Variants in SH3D21 observed in about 807,000 individuals in gnomAD.
SH3D21 encodes SH3 domain-containing protein 21.
In SH3D21, 83 loss-of-function variants were observed where a neutral mutation model predicts 82.1. That is an observed-to-expected ratio of 1.01 (90% CI 0.85 to 1.21). The LOEUF (loss-of-function observed/expected upper bound fraction) is 1.21, where lower values mean the gene tolerates loss of function less well. Among genes scored for constraint, SH3D21 ranks in the 50% most tolerant of loss-of-function variants. The probability of loss-of-function intolerance (pLI) is 0.00; values close to 1 mark genes in which losing one functional copy is unlikely to be tolerated. For synonymous variants in SH3D21, 383 were observed against 387.8 expected, an observed-to-expected ratio of 0.99 and a Z score of 0.15; for missense variants, 980 against 962.1, an observed-to-expected ratio of 1.02 and a Z score of -0.25.
In SH3D21 at chr1:36,320,712, C is replaced by CCG. The variant is rs1557487091; in HGVS notation, c.2049_2050insCG (p.Lys684ArgfsTer8). ...TGGTCCCGCAAAACTACACGGAAAACAAGAATGAAGGAGTTGATGTAACGT... is the reference window on the plus strand; with the variant it reads ...TGGTCCCGCAAAACTACACGGAAAACCGAAGAATGAAGGAGTTGATGTAACGT... On this transcript the variant is annotated frameshift_variant, in exon 14 of 16. Transcript: ENST00000453908. LOFTEE classifies it high-confidence loss of function. The CCG allele has an allele frequency of 6.2e-7, 1 of 1,613,942 alleles. No individual in the cohort carries two copies. The highest frequency in any genetic ancestry group is 1.1e-5 in the South Asian group (1 of 91,074).
At chr1:36,313,230 A>G (rs537501968) in intron 10 of SH3D21, among the ~76,000 whole-genome samples, 1 of 152,184 alleles carries the variant, frequency 6.6e-6, no homozygotes, top group African/African-American at 2.4e-5. Context: ...AAGCTGAGAC[A>G]GGAGAATTGC....
downstream of SH3D21, among the ~76,000 whole-genome samples, chr1:36,323,269 C>T (rs1272823737): frequency 6.6e-6 from 1 of 152,190 alleles, no homozygotes; most frequent in Admixed American, 6.5e-5. Context: ...GGAGCAGCGC[C>T]GGGGACCGCG....
At chr1:36,315,712 A>T (rs1462498705) in intron 10 of SH3D21, among the ~76,000 whole-genome samples, 1 of 152,076 alleles carries the variant, frequency 6.6e-6, no homozygotes, top group Non-Finnish European at 1.5e-5. Context: ...CCACCACCTC[A>T]TTCAGCCAGA....
chr1:36,322,497 T>C, downstream of SH3D21: 1 of 1,602,856 alleles, frequency 6.2e-7, no homozygotes, highest in Middle Eastern at 1.7e-4. Flanking sequence ...TGCGGACAGC[T>C]CGGGGCCCGG....
At chr1:36,327,580 C>A, downstream of SH3D21, 1 of 967,952 alleles carries the variant, frequency 1.0e-6, no homozygotes, top group Non-Finnish European at 1.3e-6. Context: ...ATGTTTGTGT[C>A]TGGGTTGGTA....
chr1:36,311,812 G>T (rs1278185136), intron 10 of SH3D21, among the ~76,000 whole-genome samples: 1 of 151,790 alleles, frequency 6.6e-6, no homozygotes, highest in Admixed American at 6.6e-5. Flanking sequence ...TTTCACCTCA[G>T]CCTCTCTTGT....
At chr1:36,312,047 CAG>C (rs1320347394) in intron 10 of SH3D21, among the ~76,000 whole-genome samples, 2 of 151,608 alleles carry the variant, frequency 1.3e-5, no homozygotes, top group East Asian at 3.9e-4. Flanking sequence ...TTTTTTGAGA[CAG>C]AGTCTTGCTT....
Position 36,308,227 on chromosome 1 carries a change from TG to T in SH3D21, c.639+25del, listed in dbSNP as rs745375298. 2.1e-4 allele frequency: 315 copies of T among 1,501,614 alleles called. No individual in the cohort carries two copies. Among genetic ancestry groups the T allele is most frequent in the Non-Finnish European group, 2.6e-4 (290 of 1,112,584 alleles). The allele number at this position is 1,501,614 out of a possible 1,614,324, so 93.0% of individuals were successfully genotyped here. Reference sequence around the variant, plus strand: ...TCAGCAAGGTGTGAGACGAACAGGGTGGGGGGGCCCAGGGAAGCCGGTGTTG... The same window carrying T: ...TCAGCAAGGTGTGAGACGAACAGGGTGGGGGGCCCAGGGAAGCCGGTGTTG... On this transcript the variant is annotated intron_variant, in intron 8 of 15. Coordinates refer to ENST00000453908, the MANE Select transcript of SH3D21 (RefSeq NM_001162530.2).
In SH3D21 at chr1:36,306,948, G is replaced by C. The variant is rs549696371; in HGVS notation, c.226+43G>C. ...GACGGGCGCCGGTGGGCGGGTGCAC[G>C]GAGCCAGTGCGACCCCGGCGTCTCC... On this transcript the variant is annotated intron_variant, in intron 3 of 15. Transcript: ENST00000453908. The surrounding 1 kb of genome is among the most constrained non-coding windows in gnomAD (Gnocchi z 4.5). 3.8e-6 allele frequency: 5 copies of C among 1,330,164 alleles called. No individual in the cohort carries two copies. The highest frequency in any genetic ancestry group is 4.8e-6 in the Non-Finnish European group (5 of 1,031,546). 82.4% of individuals were successfully genotyped at this position (1,330,164 alleles called of 1,614,324 possible).
rs541641630 is a variant in SH3D21, at chr1:36,309,663, C to T, written c.769+73C>T. On this transcript the variant is annotated intron_variant, in intron 10 of 15. Transcript: ENST00000453908. ...CACCAGTCCAGTTGCTTATAAACAC[C>T]CACAGCACCCCAGTGGTCCAGTATG... The T allele has an allele frequency of 7.3e-6, 11 of 1,508,624 alleles. No individual in the cohort carries two copies. In the African/African-American group the frequency reaches 1.2e-4, roughly 17 times the overall value. The allele number at this position is 1,508,624 out of a possible 1,614,324, so 93.5% of individuals were successfully genotyped here.
chr1:36,313,667 T>G (rs1646282739), intron 10 of SH3D21, among the ~76,000 whole-genome samples: 1 of 151,970 alleles, frequency 6.6e-6, no homozygotes. Context: ...AAACCTCAAG[T>G]GATCCTCCCA....
In SH3D21 at chr1:36,319,277, G is replaced by A; in HGVS notation, c.881G>A (p.Ser294Asn). 1 of 1,551,672 alleles carries A rather than the reference G, an allele frequency of 6.4e-7. No homozygotes were observed. Among genetic ancestry groups the A allele is most frequent in the Non-Finnish European group, 8.7e-7 (1 of 1,146,986 alleles). Residue 294 changes from serine to asparagine, a missense_variant, in exon 12 of 16, where the codon AGC becomes AAC. By Grantham distance (46) the Ser-to-Asn change is conservative. Coordinates refer to ENST00000453908, the MANE Select transcript of SH3D21 (RefSeq NM_001162530.2). ...TGTTCCAGGACATCTCGGACACCCA[G>A]CAGGGACAGTCAGAAGCTCACCTCC... ...PSKAKTSRTP[S>N]RDSQKLTSRD...
intron 10 of SH3D21, among the ~76,000 whole-genome samples, chr1:36,316,493 C>T (rs1204868221): frequency 1.3e-5 from 2 of 152,232 alleles, no homozygotes; most frequent in Non-Finnish European, 2.9e-5. Flanking sequence ...CCTCGGTCTC[C>T]CAAAGTGTTG....
chr1:36,323,284 G>A (rs902482833), downstream of SH3D21, among the ~76,000 whole-genome samples: 19 of 152,066 alleles, frequency 1.2e-4, no homozygotes, highest in African/African-American at 3.6e-4. Flanking sequence ...ACCGCGGGAG[G>A]CCCCGCCCCC....
chr1:36,308,523 G>T, intron 9 of SH3D21, 48 bp downstream of exon 9: 1 of 1,506,624 alleles, frequency 6.6e-7, no homozygotes, highest in Non-Finnish European at 9.0e-7. Context: ...GGCTATTTTG[G>T]ACAAAGGTGG....
At chr1:36,327,632 C>G (rs1646558453), downstream of SH3D21, 6 of 1,185,982 alleles carry the variant, frequency 5.1e-6, no homozygotes, top group Non-Finnish European at 6.4e-6. Context: ...TGACTCAGCC[C>G]TAGTGGAGCA....
downstream of SH3D21, among the ~76,000 whole-genome samples, chr1:36,326,539 GT>G (rs1194780448): frequency 6.6e-6 from 1 of 152,170 alleles, no homozygotes; most frequent in African/African-American, 2.4e-5. Flanking sequence ...CAGGAGCTTG[GT>G]TTTTAATGTA....
rs376447501 is a variant in SH3D21 at position 36,306,964 on chromosome 1, C to T, written c.226+59C>T. The T allele has an allele frequency of 2.6e-4, 353 of 1,346,142 alleles. 2 individuals are homozygous for T. The African/African-American group carries it at 4.3e-3, about 16-fold the overall frequency. The allele number at this position is 1,346,142 out of a possible 1,614,324, so 83.4% of individuals were successfully genotyped here. The stretch of plus-strand genomic sequence containing the variant: ...CGGGTGCACGGAGCCAGTGCGACCC[C>T]GGCGTCTCCGGCTCTTAGTGACGGG... On this transcript the variant is annotated intron_variant, in intron 3 of 15. Transcript: ENST00000453908. The surrounding 1 kb of genome is among the most constrained non-coding windows in gnomAD (Gnocchi z 4.5).
intron 10 of SH3D21, among the ~76,000 whole-genome samples, chr1:36,313,972 C>CTTTTGTTTTTTTTTTTTTTTTTT (rs1646291260): frequency 2.7e-5 from 1 of 36,784 alleles, no homozygotes; most frequent in African/African-American, 7.5e-5. Context: ...AACATATTTT[C>CTTTTGTTTTTTTTTTTTTTTTTT]TTTTTTTTTT....
Sources: allele counts gnomAD v4.1 joint callset (sites outside exome capture counted in the v4.1 genomes callset), GRCh38; gene constraint gnomAD v4.1.1; non-coding constraint Gnocchi (gnomAD v3.1); transcripts MANE v1.5; gene names NCBI Gene and HGNC (gene_info 2026-07-23, HGNC 2026-07-21).